BRI3BP: variants seen among roughly 807,000 people sequenced by gnomAD.
BRI3BP encodes BRI3-binding protein.
BRI3BP carries 7 observed loss-of-function variants against 15.8 expected under a neutral mutation model. The observed-to-expected ratio is 0.44, with a 90% CI of 0.25 to 0.83. The LOEUF (loss-of-function observed/expected upper bound fraction) is 0.83, where lower values mean the gene tolerates loss of function less well. BRI3BP is among the 40% of genes least tolerant of loss of function. The pLI is 0.20. For missense variants in BRI3BP, 320 were observed against 339.3 expected (o/e 0.94, Z 0.45); for synonymous variants, 192 against 163.5 (o/e 1.17, Z -1.33).
chr12:125,013,210 A>G (rs1302881365), intron 2 of BRI3BP, among the ~76,000 whole-genome samples: 1 of 152,220 alleles, frequency 6.6e-6, no homozygotes, highest in East Asian at 1.9e-4. Context: ...CCAGAGGTAT[A>G]GTGCTCTGGC....
chr12:125,035,049 C>T (rs1442969565), downstream of BRI3BP, among the ~76,000 whole-genome samples: 2 of 152,108 alleles, frequency 1.3e-5, no homozygotes, highest in African/African-American at 4.8e-5. Flanking sequence ...CGTAGTATTC[C>T]ATAGTATGGA....
intron 1 of BRI3BP, among the ~76,000 whole-genome samples, chr12:124,996,797 C>T (rs1214462729): frequency 5.8e-5 from 8 of 137,968 alleles, no homozygotes; most frequent in Admixed American, 8.0e-5. Flanking sequence ...ATTGCTTTGT[C>T]GCCCAGGCTG....
chr12:125,041,910 T>G, the BRI3BP span, among the ~76,000 whole-genome samples: 2 of 152,146 alleles, frequency 1.3e-5, no homozygotes, highest in Non-Finnish European at 2.9e-5. Flanking sequence ...CCTAGGCTGG[T>G]CTTGAACTCC....
intron 1 of BRI3BP, among the ~76,000 whole-genome samples, chr12:124,994,429 C>A (rs539006149): frequency 6.6e-6 from 1 of 152,298 alleles, no homozygotes; most frequent in East Asian, 1.9e-4. Flanking sequence ...CCTCGCATCC[C>A]GACCCACTTC....
chr12:125,018,131 C>T (rs961948448), intron 2 of BRI3BP, among the ~76,000 whole-genome samples: 6 of 152,172 alleles, frequency 3.9e-5, no homozygotes, highest in Admixed American at 1.3e-4. Context: ...CACTGAGGGG[C>T]GGCTGGCCAG....
At chr12:124,997,282 C>G (rs1955050119) in intron 1 of BRI3BP, among the ~76,000 whole-genome samples, 1 of 126,884 alleles carries the variant, frequency 7.9e-6, no homozygotes, top group South Asian at 2.8e-4. Flanking sequence ...ATGGCGAGCT[C>G]TCGGCTTACT....
intron 1 of BRI3BP, among the ~76,000 whole-genome samples, chr12:125,010,511 G>T (rs1262974971): frequency 6.6e-6 from 1 of 152,204 alleles, no homozygotes; most frequent in Non-Finnish European, 1.5e-5. Context: ...AGGCATGGTG[G>T]CTCATGCCTG....
the BRI3BP span, among the ~76,000 whole-genome samples, chr12:125,039,437 A>T: frequency 6.6e-6 from 1 of 152,138 alleles, no homozygotes; most frequent in East Asian, 1.9e-4. Context: ...CTATGCAAAG[A>T]GGCTATGTTT....
At chr12:125,022,537 A>ATTTTTTTTTTTTTTTTT (rs1391143992) in intron 2 of BRI3BP, among the ~76,000 whole-genome samples, 3 of 70,614 alleles carry the variant, frequency 4.2e-5, no homozygotes, top group African/African-American at 7.8e-5. Context: ...TTATTTATTT[A>ATTTTTTTTTTTTTTTTT]TTTATTTTTT....
At chr12:125,017,178 C>T (rs1364323892) in intron 2 of BRI3BP, among the ~76,000 whole-genome samples, 1 of 151,796 alleles carries the variant, frequency 6.6e-6, no homozygotes, top group Non-Finnish European at 1.5e-5. Context: ...TGCCACCATG[C>T]CTGGCTAATT....
In BRI3BP at chr12:124,997,210, T is replaced by C. The variant is rs868351339; in HGVS notation, c.213+3207T>C. Among the ~76,000 whole-genome samples the C allele has an allele frequency of 3.6e-4, 39 of 108,748 alleles. 1 individual carries two copies. The highest frequency in any genetic ancestry group is 1.4e-3 in the African/African-American group (34 of 24,268). 71.3% of individuals were successfully genotyped at this position (108,748 alleles called of 152,430 possible). A position where few individuals can be genotyped will look rare whatever the true frequency, so the allele number is the denominator to read the frequency against. Reference sequence around the variant, plus strand: ...TACTTCTCTTTTTTTTTTGCTTTACTTCTCTTTTTTTTTTTTTTTTTTTGA... The same window carrying C: ...TACTTCTCTTTTTTTTTTGCTTTACCTCTCTTTTTTTTTTTTTTTTTTTGA... On this transcript the variant is annotated intron_variant, in intron 1 of 2. Transcript: ENST00000341446.
chr12:125,005,623 T>C (rs1955135408), intron 1 of BRI3BP, among the ~76,000 whole-genome samples: 1 of 152,026 alleles, frequency 6.6e-6, no homozygotes, highest in East Asian at 1.9e-4. Flanking sequence ...TACAAAAAAT[T>C]AGCCAGACAT....
intron 1 of BRI3BP, 35 bp downstream of exon 1, chr12:124,994,038 C>T (rs1955018937): frequency 5.6e-6 from 7 of 1,253,006 alleles, no homozygotes; most frequent in Non-Finnish European, 7.1e-6. Flanking sequence ...GTCACCTTGC[C>T]CCGGTCGCCA....
chr12:125,001,090 T>C (rs1205599772), intron 1 of BRI3BP, among the ~76,000 whole-genome samples: 2 of 152,126 alleles, frequency 1.3e-5, no homozygotes, highest in Non-Finnish European at 2.9e-5. Context: ...AGTCTTGCTC[T>C]GTCACCCAGG....
At chr12:125,016,355 G>GTTTT (rs55938703) in intron 2 of BRI3BP, among the ~76,000 whole-genome samples, 1 of 143,120 alleles carries the variant, frequency 7.0e-6, no homozygotes, top group Non-Finnish European at 1.5e-5. Context: ...TTTCTTCAGT[G>GTTTT]TTTTTTTTTT....
chr12:125,030,745 G>A lies in BRI3BP; in HGVS notation c.*5315G>A, dbSNP rs1955400067. ...ACCATGTAATTAAACTGATTAACTT[G>A]TGATGGTGATGGTGATTAGCACACA... On this transcript the variant is annotated 3_prime_UTR_variant, in exon 3 of 3. Coordinates refer to ENST00000341446, the MANE Select transcript of BRI3BP (RefSeq NM_080626.6). 6.6e-6 allele frequency: 1 copy of A among 152,198 alleles called. No individual in the cohort carries two copies. The highest frequency in any genetic ancestry group is 1.5e-5 in the Non-Finnish European group (1 of 68,046). 9.4% of individuals were successfully genotyped at this position (152,198 alleles called of 1,614,324 possible).
At chr12:125,033,326 A>G (rs962382176), downstream of BRI3BP, among the ~76,000 whole-genome samples, 1 of 152,198 alleles carries the variant, frequency 6.6e-6, no homozygotes, top group Non-Finnish European at 1.5e-5. Flanking sequence ...CAGGAAGCAG[A>G]GGTTGCAGTG....
At chr12:124,996,061 C>T (rs1215397537) in intron 1 of BRI3BP, among the ~76,000 whole-genome samples, 2 of 152,100 alleles carry the variant, frequency 1.3e-5, no homozygotes, top group Admixed American at 6.6e-5. Flanking sequence ...TTACAGGTGT[C>T]CACCAGCATG....
chr12:125,048,499 A>T, the BRI3BP span, among the ~76,000 whole-genome samples: 6 of 150,038 alleles, frequency 4.0e-5, no homozygotes, highest in African/African-American at 1.5e-4. Flanking sequence ...GAATTGAACA[A>T]TGAGAACACA....
Sources: gnomAD v4.1 joint callset for allele counts (sites outside exome capture counted in the v4.1 genomes callset) on GRCh38, gnomAD v4.1.1 for gene constraint, MANE v1.5 for transcripts, NCBI Gene and HGNC (gene_info 2026-07-23, HGNC 2026-07-21) for gene names.